The following WWOX variants were observed in gnomAD, a reference collection of about 807,000 sequenced individuals.
WWOX encodes WW domain containing oxidoreductase.
Under a neutral mutation model 46.2 loss-of-function variants are expected in WWOX, and 69 were observed. The ratio of observed to expected loss-of-function variants is 1.49; its 90% CI spans 1.23 to 1.82. WWOX has a LOEUF of 1.82. WWOX is among the 40% of genes most tolerant of loss of function. WWOX has a pLI of 0.00. For missense variants in WWOX, 919 were observed against 542.6 expected, an observed-to-expected ratio of 1.69 and a Z score of -6.89; for synonymous variants, 359 against 202.6, an observed-to-expected ratio of 1.77 and a Z score of -6.56.
intron 8 of WWOX, among the ~76,000 whole-genome samples, chr16:78,554,290 T>A (rs979295484): frequency 1.3e-5 from 2 of 152,122 alleles, no homozygotes; most frequent in Non-Finnish European, 2.9e-5. Flanking sequence ...AGCCCCGTAG[T>A]AATATGCCTA....
At chr16:78,486,468 G>A (rs2084639683) in intron 8 of WWOX, among the ~76,000 whole-genome samples, 1 of 152,140 alleles carries the variant, frequency 6.6e-6, no homozygotes, top group African/African-American at 2.4e-5. Context: ...CAACAACTAG[G>A]TCTTAAAGTT....
chr16:78,659,778 G>C (rs1479972331), intron 8 of WWOX, among the ~76,000 whole-genome samples: 2 of 152,156 alleles, frequency 1.3e-5, no homozygotes, highest in Non-Finnish European at 2.9e-5. Flanking sequence ...TCATGTCAAA[G>C]ATAAAGGGAG....
rs139784521 is a variant in WWOX, at chr16:79,062,930, A to G, written c.1057-148678A>G. On this transcript the variant is annotated intron_variant, in intron 8 of 8. Coordinates refer to ENST00000566780, the MANE Select transcript of WWOX (RefSeq NM_016373.4). ...AAATTTCTGGCTGTCCACCTGCTCA[A>G]AAGGTCAATTACCCACCCAAATCAG... Among the ~76,000 whole-genome samples the G allele has an allele frequency of 1.1e-4, 17 of 152,356 alleles. No homozygotes were observed. In the East Asian group the frequency reaches 3.1e-3, roughly 28 times the overall value.
At chr16:78,404,833 C>G (rs916110488) in intron 6 of WWOX, among the ~76,000 whole-genome samples, 1 of 152,132 alleles carries the variant, frequency 6.6e-6, no homozygotes, top group Non-Finnish European at 1.5e-5. Flanking sequence ...AGCCAGAACA[C>G]AGGGCAGTAA....
chr16:79,072,293 C>T (rs540557356), intron 8 of WWOX, among the ~76,000 whole-genome samples: 2 of 152,132 alleles, frequency 1.3e-5, no homozygotes, highest in South Asian at 4.2e-4. Flanking sequence ...CCCCAACCCC[C>T]CAAAAACAGA....
intron 8 of WWOX, among the ~76,000 whole-genome samples, chr16:78,595,455 G>C (rs2045465975): frequency 6.6e-6 from 1 of 152,276 alleles, no homozygotes; most frequent in Non-Finnish European, 1.5e-5. Flanking sequence ...ATTGACCAAA[G>C]ATCCGCCATG....
chr16:78,392,170 C>T (rs879764067), intron 6 of WWOX, among the ~76,000 whole-genome samples: 6 of 152,068 alleles, frequency 3.9e-5, no homozygotes, highest in South Asian at 4.1e-4. Context: ...TAGGAAGCTG[C>T]GTCTGTGCTT....
intron 8 of WWOX, among the ~76,000 whole-genome samples, chr16:79,200,833 G>T (rs961583194): frequency 6.6e-6 from 1 of 152,182 alleles, no homozygotes; most frequent in African/African-American, 2.4e-5. Flanking sequence ...AGGTGCTGGG[G>T]CCAGGTGACA....
intron 6 of WWOX, among the ~76,000 whole-genome samples, chr16:78,419,611 A>G (rs1017848917): frequency 7.0e-6 from 1 of 142,942 alleles, no homozygotes; most frequent in Non-Finnish European, 1.5e-5. Flanking sequence ...CATAAACTAC[A>G]CAGCAAAAAA....
chr16:79,062,849 G>A (rs192623063), intron 8 of WWOX, among the ~76,000 whole-genome samples: 1 of 152,018 alleles, frequency 6.6e-6, no homozygotes, highest in Non-Finnish European at 1.5e-5. Flanking sequence ...ATGTCGAATC[G>A]GCATTGAAGG....
chr16:78,619,071 G>T (rs1284304933), intron 8 of WWOX, among the ~76,000 whole-genome samples: 1 of 140,338 alleles, frequency 7.1e-6, no homozygotes, highest in African/African-American at 2.7e-5. Flanking sequence ...TGAGGTGGGA[G>T]GATCACTGGA....
intron 8 of WWOX, among the ~76,000 whole-genome samples, chr16:78,666,977 G>A (rs938119178): frequency 4.6e-5 from 7 of 152,098 alleles, no homozygotes; most frequent in African/African-American, 1.7e-4. Context: ...AGGGTTTAGG[G>A]GAAGTTTAGT....
At position 78,812,014 on chromosome 16, in the gene WWOX, G is replaced by A. The variant is rs72801049; in HGVS notation, c.1056+379262G>A. On this transcript the variant is annotated intron_variant, in intron 8 of 8. Transcript: ENST00000566780. ...CTATAGCTATTATAACACCATCAAA[G>A]CTGTGGTTCTTACCCTCATCATTGT... Among the ~76,000 whole-genome samples, 362 of 152,086 alleles carry A rather than the reference G, an allele frequency of 2.4e-3. 2 individuals are homozygous for A. The highest frequency in any genetic ancestry group is 4.2e-3 in the Non-Finnish European group (284 of 67,980).
At chr16:78,173,307 G>T (rs1277378119) in intron 5 of WWOX, among the ~76,000 whole-genome samples, 1 of 151,870 alleles carries the variant, frequency 6.6e-6, no homozygotes, top group African/African-American at 2.4e-5. Flanking sequence ...TTCTTTTTTT[G>T]AGATAGGGTA....
intron 8 of WWOX, among the ~76,000 whole-genome samples, chr16:78,600,851 C>G (rs758417470): frequency 7.9e-5 from 12 of 152,140 alleles, no homozygotes; most frequent in Non-Finnish European, 1.5e-4. Context: ...GCAGGTGACT[C>G]ACGCCTAGAA....
At chr16:79,189,302 G>A (rs980773392) in intron 8 of WWOX, among the ~76,000 whole-genome samples, 3 of 151,706 alleles carry the variant, frequency 2.0e-5, no homozygotes, top group African/African-American at 7.3e-5. Context: ...TTGTCACCCA[G>A]GCTGGAGTAC....
At chr16:78,676,505 C>T (rs79479363) in intron 8 of WWOX, among the ~76,000 whole-genome samples, 7,251 of 151,738 alleles carry the variant, frequency 0.048, 255 homozygotes, top group South Asian at 0.13. Context: ...TGGGTTTCAT[C>T]ACCAGGAAAG....
At chr16:78,103,672 G>A (rs553590011) in intron 1 of WWOX, among the ~76,000 whole-genome samples, 1 of 152,206 alleles carries the variant, frequency 6.6e-6, no homozygotes, top group East Asian at 1.9e-4. Context: ...CCTGACTCTG[G>A]AAGTGACACT....
chr16:78,770,947 C>G (rs1431225244), intron 8 of WWOX, among the ~76,000 whole-genome samples: 3 of 152,192 alleles, frequency 2.0e-5, no homozygotes, highest in South Asian at 4.1e-4. Flanking sequence ...TTGATAGAGA[C>G]TGTACAAGGA....
Sources: allele counts gnomAD v4.1 joint callset (sites outside exome capture counted in the v4.1 genomes callset), GRCh38; gene constraint gnomAD v4.1.1; transcripts MANE v1.5; gene names NCBI Gene and HGNC (gene_info 2026-07-23, HGNC 2026-07-21).